The following CELF4 variants were observed in gnomAD, a reference collection of about 807,000 sequenced individuals.
The protein encoded by CELF4 is CUGBP Elav-like family member 4.
In CELF4, 18 loss-of-function variants were observed where a neutral mutation model predicts 59.9. The ratio of observed to expected loss-of-function variants is 0.30; its 90% CI spans 0.21 to 0.45. The LOEUF is 0.45. Among genes scored for constraint, CELF4 ranks in the 20% least tolerant of loss-of-function variants. The pLI is 1.00. For missense variants in CELF4, 456 were observed against 689.0 expected, an observed-to-expected ratio of 0.66 and a Z score of 3.79; for synonymous variants, 261 against 267.1, an observed-to-expected ratio of 0.98 and a Z score of 0.22.
intron 2 of CELF4, among the ~76,000 whole-genome samples, chr18:37,439,811 G>A (rs1422530758): frequency 6.6e-6 from 1 of 152,202 alleles, no homozygotes; most frequent in Non-Finnish European, 1.5e-5. Context: ...AGGGGCTAGT[G>A]TATGCCTGTC....
chr18:37,283,693 T>G (rs989038485), intron 3 of CELF4, among the ~76,000 whole-genome samples: 1 of 151,824 alleles, frequency 6.6e-6, no homozygotes, highest in Non-Finnish European at 1.5e-5. Flanking sequence ...TCCCTGGAGA[T>G]GAGTAGGCAC....
rs915066356 is a variant in CELF4, at chr18:37,429,338, A to G, written c.369+56187T>C. Among the ~76,000 whole-genome samples the G allele has an allele frequency of 4.6e-5, 7 of 152,068 alleles. 1 individual carries two copies. The highest frequency in any genetic ancestry group is 1.7e-4 in the African/African-American group (7 of 41,492). ...TGTGTGTGTGTTGGGGAGCATGTGT[A>G]TGTGCCTCTGTGTGTGCTCTGTATG... is the stretch of plus-strand genomic sequence containing the variant. On this transcript the variant is annotated intron_variant, in intron 2 of 12. Transcript: ENST00000420428.
At chr18:37,265,404 C>A (rs2077056629) in intron 9 of CELF4, among the ~76,000 whole-genome samples, 1 of 152,152 alleles carries the variant, frequency 6.6e-6, no homozygotes, top group Admixed American at 6.5e-5. Context: ...ATGGCCTGGA[C>A]AAGATCACCC....
At chr18:37,368,267 C>T (rs969657073) in intron 2 of CELF4, among the ~76,000 whole-genome samples, 1 of 152,170 alleles carries the variant, frequency 6.6e-6, no homozygotes, top group African/African-American at 2.4e-5. Flanking sequence ...GAGGAATCTG[C>T]CATCTGACCC....
chr18:37,370,257 G>A (rs2098843012), intron 2 of CELF4, among the ~76,000 whole-genome samples: 1 of 152,166 alleles, frequency 6.6e-6, no homozygotes, highest in South Asian at 2.1e-4. Context: ...GGAAGGAGGA[G>A]AGGATGGCTG....
intron 2 of CELF4, among the ~76,000 whole-genome samples, chr18:37,482,320 T>C (rs1199212623): frequency 6.6e-6 from 1 of 151,882 alleles, no homozygotes; most frequent in African/African-American, 2.4e-5. Flanking sequence ...GAACAGGAAG[T>C]CAGGAAAGAG....
At chr18:37,487,335 G>A (rs1043263464) in intron 1 of CELF4, among the ~76,000 whole-genome samples, 1 of 152,164 alleles carries the variant, frequency 6.6e-6, no homozygotes, top group African/African-American at 2.4e-5. Flanking sequence ...AGGAAACAGG[G>A]AGAAAAGCCT....
At chr18:37,353,101 G>A (rs764359588) in intron 2 of CELF4, among the ~76,000 whole-genome samples, 17 of 151,678 alleles carry the variant, frequency 1.1e-4, no homozygotes, top group African/African-American at 4.1e-4. Flanking sequence ...CGTGCCTGCA[G>A]TCCCAGCTAC....
At chr18:37,259,386 G>A in intron 10 of CELF4, 122 bp from the exon 11 acceptor site, 2 of 493,908 alleles carry the variant, frequency 4.0e-6, no homozygotes, top group South Asian at 2.1e-5. Flanking sequence ...AGGTTAGGAG[G>A]GGGAGTCTCA....
chr18:37,546,127 C>A (rs904483917), intron 1 of CELF4, among the ~76,000 whole-genome samples: 1 of 152,180 alleles, frequency 6.6e-6, no homozygotes, highest in Non-Finnish European at 1.5e-5. Context: ...TTGGACTCAT[C>A]TCTTCTGTTT....
chr18:37,352,364 T>G (rs141219283), intron 2 of CELF4, among the ~76,000 whole-genome samples: 23 of 152,278 alleles, frequency 1.5e-4, no homozygotes, highest in African/African-American at 5.5e-4. Context: ...AATGTATTGC[T>G]GCATGTTGTG....
intron 2 of CELF4, among the ~76,000 whole-genome samples, chr18:37,447,468 A>C (rs930753284): frequency 6.6e-6 from 1 of 152,056 alleles, no homozygotes; most frequent in Admixed American, 6.5e-5. Context: ...GTGCTCCTTT[A>C]CCACCCCTTC....
intron 1 of CELF4, among the ~76,000 whole-genome samples, chr18:37,495,207 G>A (rs138214295): frequency 1.8e-4 from 28 of 152,334 alleles, no homozygotes; most frequent in African/African-American, 5.8e-4. Flanking sequence ...CCAGGCTCAA[G>A]TCAGTGGGGA....
chr18:37,310,383 C>T (rs912660687), intron 3 of CELF4, among the ~76,000 whole-genome samples: 1 of 152,192 alleles, frequency 6.6e-6, no homozygotes, highest in African/African-American at 2.4e-5. Flanking sequence ...AACTCCCCTG[C>T]CCAAAAGCTT....
intron 1 of CELF4, among the ~76,000 whole-genome samples, chr18:37,502,763 C>G (rs2099933259): frequency 6.6e-6 from 1 of 152,226 alleles, no homozygotes; most frequent in Non-Finnish European, 1.5e-5. Flanking sequence ...CCATCCCTCT[C>G]TCTGCCTGGT....
At chr18:37,413,562 T>G (rs1369698783) in intron 2 of CELF4, among the ~76,000 whole-genome samples, 1 of 152,208 alleles carries the variant, frequency 6.6e-6, no homozygotes, top group Non-Finnish European at 1.5e-5. Context: ...GGGCATCGCC[T>G]GTTCTACAGT....
intron 2 of CELF4, among the ~76,000 whole-genome samples, chr18:37,477,949 G>C (rs544551650): frequency 6.6e-6 from 1 of 152,282 alleles, no homozygotes; most frequent in South Asian, 2.1e-4. Flanking sequence ...GCAGAGGGCA[G>C]GGGTGGGGGT....
intron 3 of CELF4, among the ~76,000 whole-genome samples, chr18:37,297,818 G>A (rs2095750486): frequency 6.6e-6 from 1 of 152,170 alleles, no homozygotes; most frequent in African/African-American, 2.4e-5. Flanking sequence ...GGCTTCTTTC[G>A]CTCGTTGTAA....
At chr18:37,539,935 A>G (rs1053123199) in intron 1 of CELF4, among the ~76,000 whole-genome samples, 1 of 152,232 alleles carries the variant, frequency 6.6e-6, no homozygotes, top group East Asian at 1.9e-4. Context: ...GGCCTGGCAC[A>G]TTAGAGAGCT....
Sources: allele counts gnomAD v4.1 joint callset (sites outside exome capture counted in the v4.1 genomes callset), GRCh38; gene constraint gnomAD v4.1.1; transcripts MANE v1.5; gene names NCBI Gene and HGNC (gene_info 2026-07-23, HGNC 2026-07-21).